PLCXD3: variants seen among roughly 807,000 people sequenced by gnomAD.
PLCXD3 encodes PI-PLC X domain-containing protein 3.
PLCXD3 carries 19 observed loss-of-function variants against 25.5 expected under a neutral mutation model. The ratio of observed to expected loss-of-function variants is 0.75; its 90% CI spans 0.52 to 1.09. PLCXD3 has a LOEUF of 1.09. PLCXD3 is among the 50% of genes least tolerant of loss of function. The probability of loss-of-function intolerance (pLI) is 0.00; values close to 1 mark genes in which losing one functional copy is unlikely to be tolerated. For synonymous variants in PLCXD3, 174 were observed against 137.6 expected (o/e 1.26, Z -1.85); for missense variants, 411 against 388.1 (o/e 1.06, Z -0.50).
chr5:41,374,313 G>A (rs1158733681), intron 2 of PLCXD3, among the ~76,000 whole-genome samples: 2 of 152,070 alleles, frequency 1.3e-5, no homozygotes, highest in South Asian at 2.1e-4. Flanking sequence ...TTCCATAAGA[G>A]CATTCCAGTT....
At chr5:41,436,985 A>G (rs1039423966) in intron 1 of PLCXD3, among the ~76,000 whole-genome samples, 2 of 152,226 alleles carry the variant, frequency 1.3e-5, no homozygotes, top group African/African-American at 4.8e-5. Flanking sequence ...CTTCACCTGA[A>G]CAAGACTGTC....
chr5:41,373,695 T>G (rs62363775), intron 2 of PLCXD3, among the ~76,000 whole-genome samples: 1 of 152,142 alleles, frequency 6.6e-6, no homozygotes, highest in Non-Finnish European at 1.5e-5. Flanking sequence ...CTTCTTCTTC[T>G]TCTTCTGCTT....
chr5:41,363,890 T>C (rs1314862656), intron 2 of PLCXD3, among the ~76,000 whole-genome samples: 2 of 152,236 alleles, frequency 1.3e-5, no homozygotes. Context: ...GTCATATTTG[T>C]TTAAATGAAA....
At position 41,507,050 on chromosome 5, in the gene PLCXD3, T is replaced by A. The variant is rs142560925; in HGVS notation, c.103+3374A>T. Among the ~76,000 whole-genome samples, 682 of 152,316 alleles carry A rather than the reference T, an allele frequency of 4.5e-3. 8 individuals carry two copies. The highest frequency in any genetic ancestry group is 0.016 in the African/African-American group (651 of 41,572). ...TTTTAGATTTTGGACAGAATGACTC[T>A]CTGTCACACATGCAGATTACCAGCA... On this transcript the variant is annotated intron_variant, in intron 1 of 2. Coordinates refer to ENST00000377801, the MANE Select transcript of PLCXD3 (RefSeq NM_001005473.3).
At chr5:41,400,086 G>A (rs1746133651) in intron 1 of PLCXD3, among the ~76,000 whole-genome samples, 1 of 152,044 alleles carries the variant, frequency 6.6e-6, no homozygotes. Flanking sequence ...CATGTGAACA[G>A]ATGCACAATA....
intron 1 of PLCXD3, among the ~76,000 whole-genome samples, chr5:41,466,277 A>C (rs116734977): frequency 0.014 from 2,115 of 152,248 alleles, 53 homozygotes; most frequent in African/African-American, 0.047. Flanking sequence ...AAAGTACATT[A>C]AAATGCTTAT....
chr5:41,324,372 A>G (rs1743560997), intron 2 of PLCXD3, among the ~76,000 whole-genome samples: 1 of 152,160 alleles, frequency 6.6e-6, no homozygotes, highest in Non-Finnish European at 1.5e-5. Flanking sequence ...CTTGAGCTAC[A>G]CTAATCCCCG....
chr5:41,394,652 A>G (rs1050603702), intron 1 of PLCXD3, among the ~76,000 whole-genome samples: 3 of 152,202 alleles, frequency 2.0e-5, no homozygotes, highest in Non-Finnish European at 4.4e-5. Context: ...CAAAAAAAAG[A>G]ACAGGAATAG....
Position 41,310,471 on chromosome 5 carries a change from G to A in PLCXD3, c.*3146C>T, listed in dbSNP as rs1255751032. On this transcript the variant is annotated 3_prime_UTR_variant, in exon 3 of 3. Coordinates refer to ENST00000377801, the MANE Select transcript of PLCXD3 (RefSeq NM_001005473.3). Reference sequence around the variant, plus strand: ...ACAAGTAAAACAAAAAGTGCACCAAGGTGTATCTACCACCATCTTGGCGCC... The same window carrying A: ...ACAAGTAAAACAAAAAGTGCACCAAAGTGTATCTACCACCATCTTGGCGCC... The A allele has an allele frequency of 3.3e-5, 5 of 152,308 alleles. No homozygotes were observed. Among genetic ancestry groups the A allele is most frequent in the Non-Finnish European group, 7.4e-5 (5 of 68,000 alleles). 9.4% of individuals were successfully genotyped at this position (152,308 alleles called of 1,614,324 possible).
At chr5:41,349,525 T>C (rs1217344096) in intron 2 of PLCXD3, among the ~76,000 whole-genome samples, 2 of 152,218 alleles carry the variant, frequency 1.3e-5, no homozygotes, top group Admixed American at 1.3e-4. Flanking sequence ...TCAACATTCC[T>C]TTAAACTGAA....
intron 1 of PLCXD3, among the ~76,000 whole-genome samples, chr5:41,414,407 G>A (rs542523907): frequency 2.6e-5 from 4 of 152,110 alleles, no homozygotes; most frequent in Admixed American, 1.3e-4. Flanking sequence ...TCTCCATGTT[G>A]GTCAGGCTGG....
intron 1 of PLCXD3, among the ~76,000 whole-genome samples, chr5:41,448,031 T>A (rs562490742): frequency 6.6e-6 from 1 of 152,320 alleles, no homozygotes; most frequent in East Asian, 1.9e-4. Flanking sequence ...GAGAGAAGCC[T>A]ATTCTCAGGC....
At chr5:41,455,054 C>T (rs1747722923) in intron 1 of PLCXD3, among the ~76,000 whole-genome samples, 1 of 151,822 alleles carries the variant, frequency 6.6e-6, no homozygotes, top group South Asian at 2.1e-4. Flanking sequence ...ATCACCAGAA[C>T]AGCATGGGGG....
At chr5:41,480,854 G>C (rs748898533) in intron 1 of PLCXD3, among the ~76,000 whole-genome samples, 14 of 151,950 alleles carry the variant, frequency 9.2e-5, no homozygotes, top group Admixed American at 2.0e-4. Context: ...AGGTTGAAGT[G>C]AGCTGAGATC....
At position 41,309,623 on chromosome 5, in the gene PLCXD3, T is replaced by C. The variant is rs1743078608; in HGVS notation, c.*3994A>G. On this transcript the variant is annotated 3_prime_UTR_variant, in exon 3 of 3. Transcript: ENST00000377801. ...TCCTGAGACTTCCAACTTTCCAGTCTGGAATCCTAACAAGGAAGAACCTGA... is the reference window on the plus strand; with the variant it reads ...TCCTGAGACTTCCAACTTTCCAGTCCGGAATCCTAACAAGGAAGAACCTGA... 1 of 152,182 alleles carries C rather than the reference T, an allele frequency of 6.6e-6. No homozygotes were observed. Among genetic ancestry groups the C allele is most frequent in the African/African-American group, 2.4e-5 (1 of 41,452 alleles). 9.4% of individuals were successfully genotyped at this position (152,182 alleles called of 1,614,324 possible).
chr5:41,489,829 T>G (rs1383099099), intron 1 of PLCXD3, among the ~76,000 whole-genome samples: 3 of 151,206 alleles, frequency 2.0e-5, no homozygotes, highest in African/African-American at 7.3e-5. Flanking sequence ...TTAAGGAGAT[T>G]TTGGGCTGAG....
chr5:41,457,933 G>C (rs1337110348), intron 1 of PLCXD3, among the ~76,000 whole-genome samples: 1 of 151,874 alleles, frequency 6.6e-6, no homozygotes, highest in Non-Finnish European at 1.5e-5. Context: ...GAAATACAGG[G>C]CTGCGTGTTA....
chr5:41,455,752 G>A (rs371241216), intron 1 of PLCXD3, among the ~76,000 whole-genome samples: 1 of 151,912 alleles, frequency 6.6e-6, no homozygotes, highest in Non-Finnish European at 1.5e-5. Context: ...ACTGCATATA[G>A]TTCAAGGATA....
chr5:41,488,854 G>A (rs1223253446), intron 1 of PLCXD3, among the ~76,000 whole-genome samples: 5 of 149,850 alleles, frequency 3.3e-5, no homozygotes, highest in African/African-American at 9.9e-5. Flanking sequence ...AGTAGGTTGT[G>A]AAAATTTTCT....
Sources: gnomAD v4.1 joint callset for allele counts (sites outside exome capture counted in the v4.1 genomes callset) on GRCh38, gnomAD v4.1.1 for gene constraint, MANE v1.5 for transcripts, NCBI Gene and HGNC (gene_info 2026-07-23, HGNC 2026-07-21) for gene names.